Variants in ZCWPW2 observed in about 807,000 individuals in gnomAD.
ZCWPW2 encodes zinc finger CW-type and PWWP domain containing 2.
Under a neutral mutation model 46.6 loss-of-function variants are expected in ZCWPW2, and 45 were observed. That is an observed-to-expected ratio of 0.96 (90% CI 0.76 to 1.24). The LOEUF is 1.24. Ranked by LOEUF, ZCWPW2 falls within the 50% of genes most tolerant of loss-of-function variation. The pLI, the probability that ZCWPW2 is intolerant of heterozygous loss-of-function variation, is 0.00. For missense variants in ZCWPW2, 429 were observed against 403.9 expected (o/e 1.06, Z -0.53); for synonymous variants, 152 against 137.1 (o/e 1.11, Z -0.76).
At chr3:28,370,983 C>T (rs1332256197) in intron 1 of ZCWPW2, among the ~76,000 whole-genome samples, 1 of 152,124 alleles carries the variant, frequency 6.6e-6, no homozygotes, top group Non-Finnish European at 1.5e-5. Context: ...CCGCCTGCCT[C>T]AGCTTCCCAA....
At chr3:28,449,526 G>C (rs747720723) in intron 4 of ZCWPW2, among the ~76,000 whole-genome samples, 4 of 152,156 alleles carry the variant, frequency 2.6e-5, no homozygotes, top group Non-Finnish European at 5.9e-5. Flanking sequence ...GAGGGAAGTA[G>C]AGAATAGGAA....
intron 4 of ZCWPW2, among the ~76,000 whole-genome samples, chr3:28,450,063 C>G (rs1163385446): frequency 6.6e-6 from 1 of 152,158 alleles, no homozygotes; most frequent in African/African-American, 2.4e-5. Context: ...AAATCAGAAT[C>G]TCTTGGAAAA....
chr3:28,491,931 A>G (rs1185138526), intron 5 of ZCWPW2, among the ~76,000 whole-genome samples, 196 bp from the exon 6 acceptor site: 1 of 152,060 alleles, frequency 6.6e-6, no homozygotes, highest in Non-Finnish European at 1.5e-5. Flanking sequence ...TGTTCATATT[A>G]TTACTTTTGG....
Position 28,525,465 on chromosome 3 carries a change from T to TCTTGCTTTACATACACTG in ZCWPW2, c.*777_*778insCTTGCTTTACATACACTG, listed in dbSNP as rs60365509. Among the ~76,000 whole-genome samples, 1 of 151,948 alleles carries TCTTGCTTTACATACACTG rather than the reference T, an allele frequency of 6.6e-6. No homozygotes were observed. ...CAGTTTTAGTAGATATCCTTCTAGA[T>TCTTGCTTTACATACACTG]ATGTGTGGGCATTCACACCTATCTT... is the stretch of plus-strand genomic sequence containing the variant. On this transcript the variant is annotated 3_prime_UTR_variant, in exon 10 of 10. Coordinates refer to ENST00000383768, the MANE Select transcript of ZCWPW2 (RefSeq NM_001040432.4).
intron 4 of ZCWPW2, among the ~76,000 whole-genome samples, chr3:28,463,987 GAAATC>G (rs1698732924): frequency 6.6e-6 from 1 of 151,826 alleles, no homozygotes; most frequent in Non-Finnish European, 1.5e-5. Flanking sequence ...GGAATGAAAA[GAAATC>G]AAAAGGAAAA....
intron 6 of ZCWPW2, 35 bp from the exon 7 acceptor site, chr3:28,514,029 A>G (rs1236568780): frequency 1.4e-6 from 2 of 1,458,544 alleles, no homozygotes; most frequent in Admixed American, 4.1e-5. Flanking sequence ...TTAGTCCTAT[A>G]TGAACTAACT....
At chr3:28,516,053 C>T (rs941357627) in intron 8 of ZCWPW2, among the ~76,000 whole-genome samples, 2 of 151,880 alleles carry the variant, frequency 1.3e-5, no homozygotes, top group Non-Finnish European at 2.9e-5. Flanking sequence ...CCAGCCTGGT[C>T]AACACAGTGA....
rs542549516 is a variant in ZCWPW2, at chr3:28,410,519, C to T, written c.-13-2537C>T. Among the ~76,000 whole-genome samples, 3 of 152,100 alleles carry T rather than the reference C, an allele frequency of 2.0e-5. No individual in the cohort carries two copies. The South Asian group carries it at 6.2e-4, about 32-fold the overall frequency. On this transcript the variant is annotated intron_variant, in intron 2 of 9. Coordinates refer to ENST00000383768, the MANE Select transcript of ZCWPW2 (RefSeq NM_001040432.4). ...ATCAATATCACACAGATTATATTCT[C>T]TAACCAAAATACAATTACATTAAAA...
intron 1 of ZCWPW2, among the ~76,000 whole-genome samples, chr3:28,355,346 AAG>A (rs1198394071): frequency 1.3e-5 from 2 of 152,254 alleles, no homozygotes; most frequent in African/African-American, 2.4e-5. Context: ...AACAAAATAA[AAG>A]AGGACGCAAA....
Position 28,448,066 on chromosome 3 carries a change from A to G in ZCWPW2, c.492+12797A>G, listed in dbSNP as rs1447231955. 1.8e-5 allele frequency: 5 copies of G among 279,784 alleles called. No homozygotes were observed. The East Asian group carries it at 3.2e-4, about 18-fold the overall frequency. The allele number at this position is 279,784 out of a possible 1,614,324, so 17.3% of individuals were successfully genotyped here. ...GTTTAAGGTACAAACACAGAGTCAG[A>G]AAGCTAAATAAAAAATGAAGCTTTT... is the stretch of plus-strand genomic sequence containing the variant. On this transcript the variant is annotated intron_variant, in intron 4 of 9. Transcript: ENST00000383768.
chr3:28,361,162 A>G (rs1383285683), intron 1 of ZCWPW2, among the ~76,000 whole-genome samples: 2 of 152,220 alleles, frequency 1.3e-5, no homozygotes, highest in African/African-American at 4.8e-5. Context: ...TTCAACTAGT[A>G]CTGGCATAAA....
chr3:28,476,431 A>G (rs150446182), intron 4 of ZCWPW2, among the ~76,000 whole-genome samples: 1 of 152,292 alleles, frequency 6.6e-6, no homozygotes, highest in Admixed American at 6.5e-5. Context: ...ACTCCCAGAC[A>G]CAAGTGTTAA....
At chr3:28,389,584 G>A (rs2125716695) in intron 1 of ZCWPW2, among the ~76,000 whole-genome samples, 1 of 152,210 alleles carries the variant, frequency 6.6e-6, no homozygotes, top group South Asian at 2.1e-4. Context: ...TCTAATCAGA[G>A]ACCAATTACA....
Position 28,348,853 on chromosome 3 carries a change from C to T in ZCWPW2, c.-484C>T. 1.4e-6 allele frequency: 1 copy of T among 719,062 alleles called. No individual in the cohort carries two copies. The highest frequency in any genetic ancestry group is 1.7e-6 in the Non-Finnish European group (1 of 586,494). 44.5% of individuals were successfully genotyped at this position (719,062 alleles called of 1,614,324 possible). A position where few individuals can be genotyped will look rare whatever the true frequency, so the allele number is the denominator to read the frequency against. ...CGAGCCGAGGCAGGAGGGGCCGGGCCGACGCGAGAGAAGGCCCGTTACCCA... is the reference window on the plus strand; with the variant it reads ...CGAGCCGAGGCAGGAGGGGCCGGGCTGACGCGAGAGAAGGCCCGTTACCCA... On this transcript the variant is annotated 5_prime_UTR_variant, in exon 1 of 10. Coordinates refer to ENST00000383768, the MANE Select transcript of ZCWPW2 (RefSeq NM_001040432.4).
intron 8 of ZCWPW2, among the ~76,000 whole-genome samples, chr3:28,519,153 C>T (rs1167296307): frequency 6.6e-6 from 1 of 152,170 alleles, no homozygotes; most frequent in East Asian, 1.9e-4. Flanking sequence ...ATGTTAATTA[C>T]AGGCTTTGCT....
chr3:28,490,240 G>T (rs1699760153), intron 5 of ZCWPW2, among the ~76,000 whole-genome samples: 1 of 152,080 alleles, frequency 6.6e-6, no homozygotes, highest in Admixed American at 6.6e-5. Context: ...TTAGTTCAGT[G>T]ACTGTGTAAA....
chr3:28,475,497 C>A (rs751179774), intron 4 of ZCWPW2, among the ~76,000 whole-genome samples: 1 of 152,136 alleles, frequency 6.6e-6, no homozygotes, highest in African/African-American at 2.4e-5. Context: ...GAATTCAAAT[C>A]AAATATTACT....
intron 6 of ZCWPW2, among the ~76,000 whole-genome samples, chr3:28,505,827 T>TA: frequency 6.6e-6 from 1 of 152,074 alleles, no homozygotes; most frequent in East Asian, 1.9e-4. Flanking sequence ...TCCCTGAGCA[T>TA]AAAATACTGA....
In ZCWPW2 at chr3:28,413,148, ACAAAGTGTGGGTT is replaced by A. The variant is rs1346296113; in HGVS notation, c.84_96del (p.Lys28AsnfsTer8). 1 of 1,613,258 alleles carries A rather than the reference ACAAAGTGTGGGTT, an allele frequency of 6.2e-7. No individual in the cohort carries two copies. The highest frequency in any genetic ancestry group is 8.5e-7 in the Non-Finnish European group (1 of 1,179,480). ...TCCTCAGTGGAAAACATGTATGTAA[ACAAAGTGTGGGTT>A]CAATGTGAGAATGAAAATTGTTTGA... On this transcript the variant is annotated frameshift_variant, in exon 3 of 10. Coordinates refer to ENST00000383768, the MANE Select transcript of ZCWPW2 (RefSeq NM_001040432.4). LOFTEE classifies it high-confidence loss of function.
Sources: allele counts gnomAD v4.1 joint callset (sites outside exome capture counted in the v4.1 genomes callset), GRCh38; gene constraint gnomAD v4.1.1; transcripts MANE v1.5; gene names NCBI Gene and HGNC (gene_info 2026-07-23, HGNC 2026-07-21).